AUTS2: variants seen among roughly 807,000 people sequenced by gnomAD.
AUTS2 encodes the protein activator of transcription and developmental regulator AUTS2.
Under a neutral mutation model 112.4 loss-of-function variants are expected in AUTS2, and 17 were observed. The ratio of observed to expected loss-of-function variants is 0.15; its 90% confidence interval spans 0.10 to 0.23. The LOEUF (loss-of-function observed/expected upper bound fraction) is 0.23. Among genes scored for constraint, AUTS2 ranks in the 10% least tolerant of loss-of-function variants. AUTS2 has a pLI of 1.00. For missense variants in AUTS2, 1,510 were observed against 1,701.6 expected, an observed-to-expected ratio of 0.89 and a Z score of 1.98; for synonymous variants, 751 against 702.7, an observed-to-expected ratio of 1.07 and a Z score of -1.09.
chr7:69,846,798 T>A (rs540403989), intron 1 of AUTS2, among the ~76,000 whole-genome samples: 20 of 152,326 alleles, frequency 1.3e-4, no homozygotes, highest in African/African-American at 4.6e-4. Context: ...GGTCTCAAAC[T>A]CCTGGCCTCA....
At chr7:70,538,847 A>T (rs1396107692) in intron 5 of AUTS2, among the ~76,000 whole-genome samples, 1 of 152,210 alleles carries the variant, frequency 6.6e-6, no homozygotes, top group Non-Finnish European at 1.5e-5. Flanking sequence ...TAGAACAGTT[A>T]TATATTCTTT....
At chr7:70,411,403 C>T (rs992676709) in intron 4 of AUTS2, among the ~76,000 whole-genome samples, 1 of 152,084 alleles carries the variant, frequency 6.6e-6, no homozygotes, top group Admixed American at 6.5e-5. Flanking sequence ...ACAGGTAAAT[C>T]CACAGCCACA....
At chr7:70,540,634 T>C (rs1800517233) in intron 5 of AUTS2, among the ~76,000 whole-genome samples, 1 of 152,150 alleles carries the variant, frequency 6.6e-6, no homozygotes, top group Non-Finnish European at 1.5e-5. Flanking sequence ...ATTCATGGTA[T>C]TGGTTTGGGA....
At chr7:70,486,717 C>G (rs961963543) in intron 5 of AUTS2, among the ~76,000 whole-genome samples, 3 of 152,016 alleles carry the variant, frequency 2.0e-5, no homozygotes, top group Non-Finnish European at 4.4e-5. Flanking sequence ...CAAGATCACG[C>G]CACTGCACTC....
Position 70,781,724 on chromosome 7 carries a change from T to C in AUTS2, c.2114T>C (p.Leu705Pro). ...GGAGCCATCCACCACCCCCATGACCTGGCACGGCCTTCAACTTTGTTCTCT... is the reference window on the plus strand; with the variant it reads ...GGAGCCATCCACCACCCCCATGACCCGGCACGGCCTTCAACTTTGTTCTCT... ...LFGAIHHPHD[L>P]ARPSTLFSAA... The change falls in exon 15 of 19, where the codon CTG (leucine) becomes CCG (proline). Residue 705 changes from leucine (L) to proline (P), a missense_variant. This residue lies in a region of AUTS2 where 788 missense variants were observed against 797.6 expected (regional missense o/e 0.99). Transcript: ENST00000342771. The C allele has an allele frequency of 6.2e-7, 1 of 1,614,158 alleles. No homozygotes were observed. The highest frequency in any genetic ancestry group is 8.5e-7 in the Non-Finnish European group (1 of 1,180,010).
intron 3 of AUTS2, among the ~76,000 whole-genome samples, chr7:70,124,121 T>C (rs772035639): frequency 6.6e-6 from 1 of 152,230 alleles, no homozygotes; most frequent in Non-Finnish European, 1.5e-5. Flanking sequence ...TGAGCTTTTT[T>C]TGTATAGGCT....
intron 5 of AUTS2, among the ~76,000 whole-genome samples, chr7:70,564,488 C>G (rs1044526406): frequency 3.3e-5 from 5 of 152,206 alleles, no homozygotes; most frequent in African/African-American, 1.2e-4. Context: ...TGATACAGCT[C>G]TTATTTAACA....
intron 1 of AUTS2, among the ~76,000 whole-genome samples, chr7:69,849,287 T>C (rs1792353369): frequency 6.6e-6 from 1 of 152,228 alleles, no homozygotes; most frequent in South Asian, 2.1e-4. Flanking sequence ...TCTATTACTT[T>C]ATTTTTTGTT....
At chr7:70,421,445 G>T (rs1049535399) in intron 4 of AUTS2, among the ~76,000 whole-genome samples, 16 of 152,132 alleles carry the variant, frequency 1.1e-4, no homozygotes, top group Admixed American at 3.3e-4. Context: ...ACACAGTAGG[G>T]AACTCCAGCA....
intron 4 of AUTS2, among the ~76,000 whole-genome samples, chr7:70,392,700 C>T (rs1268067748): frequency 1.3e-5 from 2 of 152,190 alleles, no homozygotes; most frequent in South Asian, 2.1e-4. Flanking sequence ...AGCCTGCCTC[C>T]GCTTGCTAAC....
chr7:70,724,420 G>A (rs1376663120), intron 6 of AUTS2, among the ~76,000 whole-genome samples: 2 of 135,372 alleles, frequency 1.5e-5, no homozygotes, highest in Admixed American at 7.7e-5. Flanking sequence ...ATTTTTGGAA[G>A]AATGATTTTA....
At chr7:70,239,814 G>A (rs556315556) in intron 4 of AUTS2, among the ~76,000 whole-genome samples, 2 of 152,252 alleles carry the variant, frequency 1.3e-5, no homozygotes, top group South Asian at 2.1e-4. Flanking sequence ...AAAATTAATT[G>A]CATTTATTGC....
chr7:70,659,239 C>T (rs1017329386), intron 5 of AUTS2, among the ~76,000 whole-genome samples: 33 of 152,228 alleles, frequency 2.2e-4, no homozygotes, highest in Admixed American at 5.9e-4. Flanking sequence ...CAGGATATCA[C>T]GCCCACGACT....
chr7:70,441,441 A>G (rs1796119649), intron 5 of AUTS2, among the ~76,000 whole-genome samples: 2 of 152,160 alleles, frequency 1.3e-5, no homozygotes, highest in South Asian at 4.1e-4. Flanking sequence ...GCTGGAGTAC[A>G]ATGGCATAAT....
chr7:70,610,222 C>T (rs537382363), intron 5 of AUTS2, among the ~76,000 whole-genome samples: 154 of 152,104 alleles, frequency 1.0e-3, no homozygotes, highest in Non-Finnish European at 1.5e-3. Flanking sequence ...TGGTCTCGAA[C>T]TCCTGGCATC....
At chr7:69,643,162 G>A (rs1282988571) in intron 1 of AUTS2, 1 of 152,262 alleles carries the variant, frequency 6.6e-6, no homozygotes, top group African/African-American at 2.4e-5. Context: ...TGTAATGTGT[G>A]CTTCCCTAAC....
intron 4 of AUTS2, among the ~76,000 whole-genome samples, chr7:70,427,813 C>T (rs1287051679): frequency 6.6e-6 from 1 of 152,166 alleles, no homozygotes. Context: ...TATTTGAGCT[C>T]TGGCCAGTTC....
intron 1 of AUTS2, among the ~76,000 whole-genome samples, chr7:69,823,269 A>G (rs1432061523): frequency 1.3e-5 from 2 of 152,200 alleles, no homozygotes; most frequent in African/African-American, 4.8e-5. Flanking sequence ...CTGCAGCTAC[A>G]GTGTTGGTTA....
chr7:69,826,093 AG>A (rs1413650302), intron 1 of AUTS2, among the ~76,000 whole-genome samples: 1 of 152,188 alleles, frequency 6.6e-6, no homozygotes, highest in African/African-American at 2.4e-5. Context: ...CAGGTCCTGC[AG>A]CTATAGTTAT....
Sources: gnomAD v4.1 joint callset for allele counts (sites outside exome capture counted in the v4.1 genomes callset) on GRCh38, gnomAD v4.1.1 for gene constraint, gnomAD v4.1.1 regional missense constraint, MANE v1.5 for transcripts, NCBI Gene and HGNC (gene_info 2026-07-23, HGNC 2026-07-21) for gene names.